The following EHF variants were observed in gnomAD, a reference collection of about 807,000 sequenced individuals.
EHF encodes ETS homologous factor.
A neutral mutation model predicts 45.1 loss-of-function variants in EHF; 14 were observed. That is an observed-to-expected ratio of 0.31 (90% CI 0.21 to 0.49). EHF has a LOEUF of 0.49. Ranked by LOEUF, EHF falls within the 20% of genes least tolerant of loss-of-function variation. EHF has a pLI of 0.99. For synonymous variants in EHF, 136 were observed against 131.8 expected (o/e 1.03, Z -0.22); for missense variants, 282 against 371.4 (o/e 0.76, Z 1.98).
In EHF at chr11:34,642,661, C is replaced by T; in HGVS notation, c.31C>T (p.Leu11Phe). Residue 11 changes from leucine to phenylalanine, a missense_variant, in exon 2 of 9, where the codon CTC becomes TTC. Coordinates refer to ENST00000257831, the MANE Select transcript of EHF (RefSeq NM_012153.6). MILEGGGVMN[L>F]NPGNNLLHQP... ...TCTGGAAGGAGGTGGTGTAATGAAT[C>T]TCAACCCCGGCAACAACCTCCTTCA... is the stretch of plus-strand genomic sequence containing the variant. 6.2e-7 allele frequency: 1 copy of T among 1,614,014 alleles called. No individual in the cohort carries two copies. The highest frequency in any genetic ancestry group is 8.5e-7 in the Non-Finnish European group (1 of 1,179,956).
intron 1 of EHF, 60 bp downstream of exon 1, chr11:34,621,288 A>C (rs1851977933): frequency 6.6e-6 from 1 of 152,240 alleles, no homozygotes; most frequent in Admixed American, 6.5e-5. Context: ...GAGTGGAAAG[A>C]GAAGCCTGCT....
intron 1 of EHF, among the ~76,000 whole-genome samples, chr11:34,641,532 C>A (rs1003941054): frequency 6.6e-6 from 1 of 152,066 alleles, no homozygotes; most frequent in South Asian, 2.1e-4. Context: ...CCCGAGGATG[C>A]AAAATTTCCC....
At chr11:34,638,717 G>A (rs1853694434) in intron 1 of EHF, among the ~76,000 whole-genome samples, 2 of 152,150 alleles carry the variant, frequency 1.3e-5, no homozygotes, top group African/African-American at 4.8e-5. Flanking sequence ...CAGTGGTGGA[G>A]AGGTTGAGAA....
intron 1 of EHF, among the ~76,000 whole-genome samples, chr11:34,638,778 C>CGGATT (rs2134073764): frequency 1.3e-5 from 2 of 152,304 alleles, no homozygotes; most frequent in African/African-American, 4.8e-5. Flanking sequence ...TCCTCTGCCT[C>CGGATT]CCCATCCGAG....
At chr11:34,652,797 G>C (rs1450993856) in intron 6 of EHF, among the ~76,000 whole-genome samples, 1 of 152,164 alleles carries the variant, frequency 6.6e-6, no homozygotes, top group Non-Finnish European at 1.5e-5. Flanking sequence ...TTGGTTTGAG[G>C]TTTTGTTTGG....
At chr11:34,651,645 T>C in intron 5 of EHF, 35 bp downstream of exon 5, 2 of 1,608,324 alleles carry the variant, frequency 1.2e-6, no homozygotes, top group Non-Finnish European at 8.5e-7. Context: ...GCCCTTTACA[T>C]TCTTATTCAG....
intron 7 of EHF, among the ~76,000 whole-genome samples, chr11:34,657,865 C>A (rs1855810766): frequency 7.3e-6 from 1 of 137,872 alleles, no homozygotes; most frequent in African/African-American, 2.7e-5. Context: ...CATAATCCCA[C>A]AAAACCATAT....
intron 3 of EHF, among the ~76,000 whole-genome samples, chr11:34,647,642 G>A (rs1027840838): frequency 1.3e-5 from 2 of 152,204 alleles, no homozygotes; most frequent in Non-Finnish European, 2.9e-5. Flanking sequence ...GCAAGTAACC[G>A]GGACTTGGGC....
In EHF at chr11:34,651,502, A is replaced by G. The variant is rs1401305606; in HGVS notation, c.407-40A>G. The G allele has an allele frequency of 2.6e-6, 4 of 1,536,618 alleles. No individual in the cohort carries two copies. In the African/African-American group the frequency reaches 4.3e-5, roughly 16 times the overall value. ...AAACGCAGCCTCTTCTCCCTGGGGA[A>G]AAGAGATCGCTGACTATTCTCCTTC... On this transcript the variant is annotated intron_variant, in intron 4 of 8. Coordinates refer to ENST00000257831, the MANE Select transcript of EHF (RefSeq NM_012153.6).
intron 4 of EHF, among the ~76,000 whole-genome samples, chr11:34,650,566 A>G (rs2134174831): frequency 6.6e-6 from 1 of 152,372 alleles, no homozygotes; most frequent in South Asian, 2.1e-4. Context: ...CCCGGCCCTA[A>G]AACTCAGAAC....
chr11:34,640,508 G>A (rs1011946118), intron 1 of EHF, among the ~76,000 whole-genome samples: 1 of 152,130 alleles, frequency 6.6e-6, no homozygotes, highest in Non-Finnish European at 1.5e-5. Context: ...CAAGGAACAA[G>A]CCCAGCCTTG....
chr11:34,647,740 T>A (rs1276558181), intron 3 of EHF, among the ~76,000 whole-genome samples: 2 of 152,200 alleles, frequency 1.3e-5, no homozygotes, highest in African/African-American at 4.8e-5. Context: ...CAGCAGAGCT[T>A]GTGGCTGCGG....
At chr11:34,631,706 C>T in intron 1 of EHF, 1 of 359,514 alleles carries the variant, frequency 2.8e-6, no homozygotes, top group African/African-American at 2.2e-5. Context: ...ATGCTTTTTG[C>T]CCAGGGCTGG....
At chr11:34,630,777 A>T (rs1042664996) in intron 1 of EHF, among the ~76,000 whole-genome samples, 2 of 152,246 alleles carry the variant, frequency 1.3e-5, no homozygotes, top group Middle Eastern at 3.4e-3. Flanking sequence ...TCATAACAAG[A>T]ATGCCTGGGA....
At chr11:34,649,146 G>T (rs1590514931) in intron 4 of EHF, 65 bp downstream of exon 4, 1 of 1,548,466 alleles carries the variant, frequency 6.5e-7, no homozygotes, top group East Asian at 2.3e-5. Flanking sequence ...ACAGTTGGGA[G>T]AGGGCAAGAG....
Position 34,660,537 on chromosome 11 carries a change from T to G in EHF, c.*1606T>G, listed in dbSNP as rs1856018192. ...AATTGTCACCAAGGAGTTAAAAGCT[T>G]CTTCTTCAATAGAGGAATTGTTCTG... is the stretch of plus-strand genomic sequence containing the variant. On this transcript the variant is annotated 3_prime_UTR_variant, in exon 9 of 9. Transcript: ENST00000257831. 1 of 152,138 alleles carries G rather than the reference T, an allele frequency of 6.6e-6. No homozygotes were observed. The highest frequency in any genetic ancestry group is 2.1e-4 in the South Asian group (1 of 4,818). 9.4% of individuals were successfully genotyped at this position (152,138 alleles called of 1,614,324 possible). A position where few individuals can be genotyped will look rare whatever the true frequency, so the allele number is the denominator to read the frequency against.
intron 4 of EHF, among the ~76,000 whole-genome samples, chr11:34,650,855 A>T (rs926065854): frequency 1.3e-4 from 20 of 152,184 alleles, no homozygotes; most frequent in Admixed American, 3.3e-4. Context: ...GACAGAGTAC[A>T]AGAGCACTTC....
chr11:34,642,719 C>A lies in EHF; in HGVS notation c.89C>A (p.Thr30Lys). The A allele has an allele frequency of 1.9e-6, 3 of 1,613,612 alleles. No homozygotes were observed. The highest frequency in any genetic ancestry group is 2.5e-6 in the Non-Finnish European group (3 of 1,179,606). Residue 30 changes from threonine (T) to lysine (K), a missense_variant, in exon 2 of 9, where the codon ACG becomes AAG. Thr to Lys is a moderately conservative substitution (Grantham distance 78). Around this residue, in one of 3 missense-constraint regions of EHF, gnomAD observed 213 missense variants for 247.3 expected, o/e 0.86. Transcript: ENST00000257831. ...QPPAWTDSYSTCNVSSGFFGG... is the reference protein window; with the variant it reads ...QPPAWTDSYSKCNVSSGFFGG... ...CCAGCCTGGACAGACAGCTACTCCA[C>A]GTGCAATGGTAAGAGGGCCTGTGGG...
At chr11:34,628,596 T>C (rs1852586164) in intron 1 of EHF, among the ~76,000 whole-genome samples, 1 of 152,226 alleles carries the variant, frequency 6.6e-6, no homozygotes, top group Non-Finnish European at 1.5e-5. Context: ...CTTGGAGTTG[T>C]GAAGGGACTT....
Sources: allele counts gnomAD v4.1 joint callset (sites outside exome capture counted in the v4.1 genomes callset), GRCh38; gene constraint gnomAD v4.1.1; regional missense constraint gnomAD v4.1.1; transcripts MANE v1.5; gene names NCBI Gene and HGNC (gene_info 2026-07-23, HGNC 2026-07-21).